Variants in CRACD observed in about 807,000 individuals in gnomAD.
The protein encoded by CRACD is capping protein-inhibiting regulator of actin dynamics.
In CRACD, 56 loss-of-function variants were observed where a neutral mutation model predicts 106.8. The ratio of observed to expected loss-of-function variants is 0.52; its 90% CI spans 0.42 to 0.66. CRACD has a LOEUF of 0.66. CRACD is among the 30% of genes least tolerant of loss of function. CRACD has a pLI of 0.00. For missense variants in CRACD, 1,730 were observed against 1,623.2 expected (o/e 1.07, Z -1.13); for synonymous variants, 754 against 670.8 (o/e 1.12, Z -1.92).
chr4:56,256,238 T>C (rs944675269), intron 2 of CRACD, among the ~76,000 whole-genome samples: 1 of 152,164 alleles, frequency 6.6e-6, no homozygotes, highest in African/African-American at 2.4e-5. Flanking sequence ...GTTCTTGTGA[T>C]AGTAAATAAG....
At chr4:56,306,488 G>A (rs1239902909) in intron 4 of CRACD, among the ~76,000 whole-genome samples, 1 of 151,830 alleles carries the variant, frequency 6.6e-6, no homozygotes, top group Non-Finnish European at 1.5e-5. Context: ...ACTCCAGCCT[G>A]GGCAACAGAG....
In CRACD at chr4:56,262,172, C is replaced by T. The variant is rs985771012; in HGVS notation, c.-188-10149C>T. Among the ~76,000 whole-genome samples the T allele has an allele frequency of 9.9e-5, 15 of 152,188 alleles. No homozygotes were observed. The East Asian group carries it at 1.5e-3, about 16-fold the overall frequency. On this transcript the variant is annotated intron_variant, in intron 2 of 10. Transcript: ENST00000682029. Reference sequence around the variant, plus strand: ...AAAATTTGCCTGTGGACTTGGATGTCGGAGGGGTTGCAGCTTGTGCAATAT... The same window carrying T: ...AAAATTTGCCTGTGGACTTGGATGTTGGAGGGGTTGCAGCTTGTGCAATAT...
chr4:56,170,334 G>A (rs1222114178), intron 1 of CRACD: 4 of 152,314 alleles, frequency 2.6e-5, no homozygotes, highest in Non-Finnish European at 2.9e-5. Flanking sequence ...ATGAATCACA[G>A]TGGTAGTGGC....
intron 2 of CRACD, among the ~76,000 whole-genome samples, chr4:56,182,696 A>G (rs1736883127): frequency 6.6e-6 from 1 of 152,188 alleles, no homozygotes; most frequent in South Asian, 2.1e-4. Context: ...CAGCTTTCCT[A>G]TCAGAAGCCA....
intron 2 of CRACD, among the ~76,000 whole-genome samples, chr4:56,182,950 T>G (rs1300947736): frequency 6.6e-6 from 1 of 151,152 alleles, no homozygotes; most frequent in Admixed American, 6.6e-5. Flanking sequence ...TAGGGGATTT[T>G]GGCTGGGTGC....
chr4:56,280,962 T>C (rs1448144359), intron 3 of CRACD, among the ~76,000 whole-genome samples: 1 of 152,180 alleles, frequency 6.6e-6, no homozygotes, highest in African/African-American at 2.4e-5. Flanking sequence ...TGAAATTGAA[T>C]AGGGAATGGT....
intron 2 of CRACD, among the ~76,000 whole-genome samples, chr4:56,200,562 A>G (rs1403119459): frequency 6.6e-6 from 1 of 152,182 alleles, no homozygotes; most frequent in Non-Finnish European, 1.5e-5. Context: ...ATGCTCCTCA[A>G]ATATTGCCAA....
chr4:56,187,453 T>A (rs1477941453), intron 2 of CRACD, among the ~76,000 whole-genome samples: 2 of 152,018 alleles, frequency 1.3e-5, no homozygotes. Flanking sequence ...GTTTCTTTCA[T>A]TTATGTAACT....
intron 2 of CRACD, among the ~76,000 whole-genome samples, chr4:56,219,141 T>C (rs1017488414): frequency 4.6e-5 from 7 of 152,176 alleles, no homozygotes; most frequent in African/African-American, 1.7e-4. Flanking sequence ...CTTACCTTAC[T>C]TTTACTCCCT....
At chr4:56,268,284 A>G (rs1435245773) in intron 2 of CRACD, among the ~76,000 whole-genome samples, 1 of 152,214 alleles carries the variant, frequency 6.6e-6, no homozygotes, top group East Asian at 1.9e-4. Context: ...TTTTCTAATC[A>G]ATAAATTCTA....
At chr4:56,139,254 A>G (rs568679133) in intron 1 of CRACD, among the ~76,000 whole-genome samples, 1 of 152,208 alleles carries the variant, frequency 6.6e-6, no homozygotes, top group Non-Finnish European at 1.5e-5. Flanking sequence ...CTTAGGAGCA[A>G]GAAAAAACCT....
intron 2 of CRACD, among the ~76,000 whole-genome samples, chr4:56,235,131 A>G (rs1276510965): frequency 6.6e-5 from 10 of 152,200 alleles, no homozygotes; most frequent in Non-Finnish European, 1.2e-4. Flanking sequence ...TATTCACATG[A>G]TTGTATCCTT....
intron 8 of CRACD, chr4:56,321,268 TGAA>T (rs2109792508): frequency 4.8e-6 from 1 of 207,358 alleles, no homozygotes; most frequent in Non-Finnish European, 9.8e-6. Context: ...AATGCTGAGA[TGAA>T]GGAGACCTGC....
At chr4:56,089,242 A>C (rs577949019) in intron 1 of CRACD, among the ~76,000 whole-genome samples, 21 of 152,316 alleles carry the variant, frequency 1.4e-4, no homozygotes, top group African/African-American at 5.1e-4. Flanking sequence ...TCACTTTGTT[A>C]GTGAAAGCTT....
intron 2 of CRACD, among the ~76,000 whole-genome samples, chr4:56,180,796 C>T (rs1473766683): frequency 6.6e-6 from 1 of 152,102 alleles, no homozygotes; most frequent in Non-Finnish European, 1.5e-5. Flanking sequence ...TGCATGTTAC[C>T]TCTACCGTGA....
chr4:56,162,321 A>C (rs1735990045), intron 1 of CRACD, among the ~76,000 whole-genome samples: 1 of 152,070 alleles, frequency 6.6e-6, no homozygotes, highest in Non-Finnish European at 1.5e-5. Context: ...CACCCTCCCA[A>C]GTAGCTAGGA....
Position 56,314,919 on chromosome 4 carries a change from G to A in CRACD, c.1417G>A (p.Gly473Arg). The change falls in exon 8 of 11, where the codon GGG becomes AGG. Residue 473 changes from glycine to arginine, a missense_variant. Around this residue, in one of 5 missense-constraint regions of CRACD, gnomAD observed 1,620 missense variants for 1,481.6 expected, o/e 1.09. Transcript: ENST00000682029. The surrounding 1 kb of genome is among the most constrained non-coding windows in gnomAD (Gnocchi z 4.4). Reference protein sequence around the residue: ...EQQGRSGDFQGADRPGPEEKR... With the variant: ...EQQGRSGDFQRADRPGPEEKR... ...GCAGGGAAGGAGCGGGGATTTCCAG[G>A]GGGCCGATCGTCCTGGGCCCGAGGA... is the stretch of plus-strand genomic sequence containing the variant. 2 of 1,605,142 alleles carry A rather than the reference G, an allele frequency of 1.2e-6. No homozygotes were observed. The highest frequency in any genetic ancestry group is 1.7e-6 in the Non-Finnish European group (2 of 1,176,970).
At chr4:56,086,268 T>A (rs1304456411) in intron 1 of CRACD, among the ~76,000 whole-genome samples, 1 of 152,078 alleles carries the variant, frequency 6.6e-6, no homozygotes, top group Non-Finnish European at 1.5e-5. Context: ...GTCCTTCCTT[T>A]CTGTTAGTGT....
intron 1 of CRACD, among the ~76,000 whole-genome samples, chr4:56,068,331 G>T (rs991352909): frequency 6.6e-6 from 1 of 152,190 alleles, no homozygotes; most frequent in African/African-American, 2.4e-5. Context: ...CAACACGGCC[G>T]CTGCAGCCTG....
Sources: allele counts gnomAD v4.1 joint callset (sites outside exome capture counted in the v4.1 genomes callset), GRCh38; gene constraint gnomAD v4.1.1; regional missense constraint gnomAD v4.1.1; non-coding constraint Gnocchi (gnomAD v3.1); transcripts MANE v1.5; gene names NCBI Gene and HGNC (gene_info 2026-07-23, HGNC 2026-07-21).